Variants in HPSE2 observed in about 807,000 individuals in gnomAD.
The protein encoded by HPSE2 is heparanase 2 (inactive).
In HPSE2, 38 loss-of-function variants were observed where a neutral mutation model predicts 60.5. The ratio of observed to expected loss-of-function variants is 0.63; its 90% CI spans 0.48 to 0.82. The LOEUF (loss-of-function observed/expected upper bound fraction) is 0.82, where lower values mean the gene tolerates loss of function less well. Ranked by LOEUF, HPSE2 falls within the 40% of genes least tolerant of loss-of-function variation. HPSE2 has a pLI of 0.00. For synonymous variants in HPSE2, 295 were observed against 293.2 expected (o/e 1.01, Z -0.06); for missense variants, 713 against 740.4 (o/e 0.96, Z 0.43).
intron 6 of HPSE2, among the ~76,000 whole-genome samples, chr10:98,661,574 C>T (rs1002104359): frequency 6.6e-6 from 1 of 152,188 alleles, no homozygotes; most frequent in African/African-American, 2.4e-5. Context: ...ATTCTATGCA[C>T]ATTGTTCTTA....
At chr10:98,790,925 C>T (rs1166939634) in intron 3 of HPSE2, among the ~76,000 whole-genome samples, 2 of 152,008 alleles carry the variant, frequency 1.3e-5, no homozygotes, top group African/African-American at 4.8e-5. Context: ...AAAACAGTGG[C>T]CTTCAGTGTC....
intron 9 of HPSE2, among the ~76,000 whole-genome samples, chr10:98,556,241 C>T (rs1277752928): frequency 6.6e-6 from 1 of 152,144 alleles, no homozygotes; most frequent in Non-Finnish European, 1.5e-5. Flanking sequence ...GAGGGATGTA[C>T]TCCCAGAGCA....
intron 3 of HPSE2, among the ~76,000 whole-genome samples, chr10:98,804,399 A>G (rs537437224): frequency 6.6e-6 from 1 of 152,142 alleles, no homozygotes; most frequent in Admixed American, 6.6e-5. Flanking sequence ...GGAATTAATA[A>G]CCAAACTATA....
intron 7 of HPSE2, among the ~76,000 whole-genome samples, chr10:98,634,918 G>A: frequency 6.6e-6 from 1 of 152,288 alleles, no homozygotes; most frequent in East Asian, 1.9e-4. Context: ...TAGCCTCAAT[G>A]TCACTTTCTC....
At chr10:98,543,508 G>A (rs1341806925) in intron 9 of HPSE2, among the ~76,000 whole-genome samples, 2 of 152,086 alleles carry the variant, frequency 1.3e-5, no homozygotes, top group East Asian at 3.9e-4. Context: ...TGGATTAAAT[G>A]CTCCAATTAA....
At chr10:98,897,319 C>T (rs1277679767) in intron 3 of HPSE2, among the ~76,000 whole-genome samples, 3 of 151,846 alleles carry the variant, frequency 2.0e-5, no homozygotes, top group African/African-American at 7.3e-5. Flanking sequence ...CAACTGTTGC[C>T]CAAAAACTAT....
chr10:98,509,345 A>AAAAAGAGGT (rs1262181032), intron 9 of HPSE2, among the ~76,000 whole-genome samples: 1 of 152,006 alleles, frequency 6.6e-6, no homozygotes, highest in Non-Finnish European at 1.5e-5. Context: ...AGAAGAAGAA[A>AAAAAGAGGT]AAAAGAGGTT....
intron 3 of HPSE2, among the ~76,000 whole-genome samples, chr10:98,876,837 T>TA (rs1488314383): frequency 1.3e-5 from 2 of 151,880 alleles, no homozygotes; most frequent in African/African-American, 2.4e-5. Context: ...ATTGAAGACA[T>TA]ACTACCTCTC....
At chr10:98,598,945 G>T (rs1945322772) in intron 9 of HPSE2, among the ~76,000 whole-genome samples, 1 of 151,982 alleles carries the variant, frequency 6.6e-6, no homozygotes, top group Admixed American at 6.5e-5. Context: ...TATAGGTGCT[G>T]GCTTGGAAAC....
At chr10:98,852,113 ATGTGTGTGTGTG>A (rs1555017138) in intron 3 of HPSE2, among the ~76,000 whole-genome samples, 2 of 91,928 alleles carry the variant, frequency 2.2e-5, no homozygotes, top group Admixed American at 1.1e-4. Context: ...GTATATTATG[ATGTGTGTGTGTG>A]TGTGTGTGTG....
chr10:99,173,667 G>A (rs1377774357), intron 2 of HPSE2, among the ~76,000 whole-genome samples: 1 of 152,114 alleles, frequency 6.6e-6, no homozygotes, highest in African/African-American at 2.4e-5. Context: ...CAAGAGGCCA[G>A]GCGCGGTGGC....
chr10:99,266,189 C>T, the HPSE2 span, among the ~76,000 whole-genome samples: 2 of 152,172 alleles, frequency 1.3e-5, no homozygotes, highest in African/African-American at 2.4e-5. Flanking sequence ...CACAGCAGGT[C>T]GGGAGATGCA....
chr10:99,060,211 G>C (rs548795569), intron 3 of HPSE2, among the ~76,000 whole-genome samples: 88 of 152,158 alleles, frequency 5.8e-4, no homozygotes, highest in Non-Finnish European at 1.1e-3. Flanking sequence ...CATATATTTG[G>C]GGACATATTT....
chr10:98,951,147 G>T (rs1955345141), intron 3 of HPSE2, among the ~76,000 whole-genome samples: 1 of 152,144 alleles, frequency 6.6e-6, no homozygotes, highest in Non-Finnish European at 1.5e-5. Flanking sequence ...AGCATGAGGA[G>T]ATAATCACTG....
At chr10:98,504,517 TG>T (rs1235981056) in intron 9 of HPSE2, among the ~76,000 whole-genome samples, 14 of 152,222 alleles carry the variant, frequency 9.2e-5, no homozygotes, top group African/African-American at 3.1e-4. Context: ...CCAGGTGCAT[TG>T]GCTCATGCCT....
intron 3 of HPSE2, among the ~76,000 whole-genome samples, chr10:98,773,587 A>G (rs1261349957): frequency 1.3e-5 from 2 of 152,206 alleles, no homozygotes; most frequent in Non-Finnish European, 2.9e-5. Context: ...AAACGTATAT[A>G]TGCTTTGACT....
At chr10:99,098,375 T>C (rs1362324779) in intron 3 of HPSE2, among the ~76,000 whole-genome samples, 2 of 152,204 alleles carry the variant, frequency 1.3e-5, no homozygotes, top group Non-Finnish European at 2.9e-5. Context: ...CCCTCAGATT[T>C]TGGTATCAAT....
At chr10:98,609,839 CT>C (rs34422929) in intron 9 of HPSE2, among the ~76,000 whole-genome samples, 3,563 of 126,118 alleles carry the variant, frequency 0.028, 84 homozygotes, top group African/African-American at 0.096. Flanking sequence ...TCTTCTTCTT[CT>C]TTTTTTTTTT....
chr10:99,135,691 A>AGAG (rs1845619248), intron 3 of HPSE2, among the ~76,000 whole-genome samples: 1 of 152,218 alleles, frequency 6.6e-6, no homozygotes, highest in Non-Finnish European at 1.5e-5. Flanking sequence ...TCTGGGACAC[A>AGAG]TTTAAAGCAG....
Sources: gnomAD v4.1 joint callset for allele counts (sites outside exome capture counted in the v4.1 genomes callset) on GRCh38, gnomAD v4.1.1 for gene constraint, MANE v1.5 for transcripts, NCBI Gene and HGNC (gene_info 2026-07-23, HGNC 2026-07-21) for gene names.